The following ANAPC1 variants were observed in gnomAD, a reference collection of about 807,000 sequenced individuals.
The protein encoded by ANAPC1 is anaphase promoting complex subunit 1, also known as anaphase-promoting complex subunit 1.
ANAPC1 carries 36 observed loss-of-function variants against 208.0 expected under a neutral mutation model. The ratio of observed to expected loss-of-function variants is 0.17; its 90% CI spans 0.13 to 0.23. ANAPC1 has a LOEUF of 0.23. Ranked by LOEUF, ANAPC1 falls within the 10% of genes least tolerant of loss-of-function variation. The pLI is 1.00. For synonymous variants in ANAPC1, 378 were observed against 695.2 expected (o/e 0.54, Z 7.18); for missense variants, 942 against 2,011.6 (o/e 0.47, Z 10.17).
chr2:111,881,846 C>T (rs1206852830), intron 1 of ANAPC1, among the ~76,000 whole-genome samples: 2 of 152,204 alleles, frequency 1.3e-5, no homozygotes, highest in East Asian at 3.8e-4. Context: ...ATGACTTCAT[C>T]CTTCATTCTC....
intron 28 of ANAPC1, among the ~76,000 whole-genome samples, chr2:111,813,351 T>C (rs1183495571): frequency 1.3e-5 from 2 of 151,624 alleles, no homozygotes; most frequent in African/African-American, 4.8e-5. Context: ...TCCTCTGAGG[T>C]AGGGATATTT....
At chr2:111,861,576 A>AC (rs1206751614) in intron 10 of ANAPC1, among the ~76,000 whole-genome samples, 1 of 143,510 alleles carries the variant, frequency 7.0e-6, no homozygotes, top group African/African-American at 2.6e-5. Flanking sequence ...CTCCTGTGTC[A>AC]CCATCCTTCA....
chr2:111,844,616 T>A (rs1273178779), intron 16 of ANAPC1, among the ~76,000 whole-genome samples: 1 of 151,810 alleles, frequency 6.6e-6, no homozygotes, highest in African/African-American at 2.4e-5. Flanking sequence ...ACTTCTATGT[T>A]TATACATTTA....
At chr2:111,855,455 A>G (rs1681647434) in intron 13 of ANAPC1, among the ~76,000 whole-genome samples, 2 of 152,242 alleles carry the variant, frequency 1.3e-5, no homozygotes, top group Non-Finnish European at 2.9e-5. Flanking sequence ...AAAATGCAGT[A>G]TCTGTGAAGT....
At chr2:111,877,846 C>G (rs1683099759) in intron 3 of ANAPC1, among the ~76,000 whole-genome samples, 1 of 152,078 alleles carries the variant, frequency 6.6e-6, no homozygotes, top group Non-Finnish European at 1.5e-5. Flanking sequence ...TCCTAGCTAT[C>G]TATTTCCTTA....
rs1362198826 is a variant in ANAPC1, at chr2:111,826,153, G to A, written c.2626-298C>T. Among the ~76,000 whole-genome samples, 5 of 152,246 alleles carry A rather than the reference G, an allele frequency of 3.3e-5. No homozygotes were observed. The East Asian group carries it at 9.6e-4, about 29-fold the overall frequency. ...TCCTTCTGCCTCAGCCTCCCAAACT[G>A]CTGGGATTATAGGTATGAGCCACCA... is the stretch of plus-strand genomic sequence containing the variant. On this transcript the variant is annotated intron_variant, in intron 21 of 47. Coordinates refer to ENST00000341068, the MANE Select transcript of ANAPC1 (RefSeq NM_022662.4).
intron 34 of ANAPC1, among the ~76,000 whole-genome samples, chr2:111,796,190 A>G (rs1678156793): frequency 6.6e-6 from 1 of 151,642 alleles, no homozygotes; most frequent in Non-Finnish European, 1.5e-5. Context: ...GCACCACTGC[A>G]CTCCAGCCTG....
intron 21 of ANAPC1, among the ~76,000 whole-genome samples, chr2:111,826,661 A>ATTTTTT (rs35434299): frequency 1.7e-5 from 2 of 115,020 alleles, no homozygotes; most frequent in East Asian, 2.4e-4. Context: ...TTATTTATTT[A>ATTTTTT]TTTATTTTTT....
downstream of ANAPC1, chr2:111,766,311 T>A (rs1676471484): frequency 6.6e-6 from 1 of 152,530 alleles, no homozygotes; most frequent in African/African-American, 2.4e-5. Context: ...AAGCAACCAA[T>A]CTATTTCAGA....
chr2:111,771,829 T>C (rs1320577966), intron 47 of ANAPC1, among the ~76,000 whole-genome samples: 1 of 151,910 alleles, frequency 6.6e-6, no homozygotes, highest in African/African-American at 2.4e-5. Context: ...GAATTCATCA[T>C]ATCTTAGTAT....
intron 14 of ANAPC1, among the ~76,000 whole-genome samples, chr2:111,850,139 C>T (rs1174793367): frequency 6.6e-6 from 1 of 151,900 alleles, no homozygotes; most frequent in South Asian, 2.1e-4. Flanking sequence ...TATTGTTATC[C>T]AAACCCTATC....
chr2:111,876,207 T>G (rs1683016780), intron 3 of ANAPC1, among the ~76,000 whole-genome samples: 1 of 151,010 alleles, frequency 6.6e-6, no homozygotes. Flanking sequence ...CTGGACAACA[T>G]AGTGAGACCC....
rs1233747703 is a variant in ANAPC1, at chr2:111,806,129, T to C, written c.3833-236A>G. Among the ~76,000 whole-genome samples the C allele has an allele frequency of 4.7e-5, 7 of 149,000 alleles. No homozygotes were observed. In the East Asian group the frequency reaches 1.4e-3, roughly 30 times the overall value. On this transcript the variant is annotated intron_variant, in intron 29 of 47. Transcript: ENST00000341068. ...ATTTAAGTCTTTATAAGCAATGATA[T>C]TCAAATACTGTGAAACTTTGAGTCT...
chr2:111,819,247 A>G (rs1679388715), intron 26 of ANAPC1: 2 of 984,192 alleles, frequency 2.0e-6, no homozygotes, highest in Admixed American at 1.2e-4. Flanking sequence ...AGGCATTCAA[A>G]AAAAAAAAGA....
intron 42 of ANAPC1, among the ~76,000 whole-genome samples, chr2:111,783,347 G>A (rs1677383306): frequency 6.6e-6 from 1 of 152,128 alleles, no homozygotes; most frequent in Non-Finnish European, 1.5e-5. Context: ...TTTCCCTCAT[G>A]CTGTTCTCAT....
At chr2:111,842,049 A>G (rs1680792777) in intron 17 of ANAPC1, among the ~76,000 whole-genome samples, 1 of 152,180 alleles carries the variant, frequency 6.6e-6, no homozygotes, top group Non-Finnish European at 1.5e-5. Context: ...GGAAGTAACT[A>G]GAGATGTGGT....
At chr2:111,804,722 A>C in intron 30 of ANAPC1, among the ~76,000 whole-genome samples, 1 of 147,184 alleles carries the variant, frequency 6.8e-6, no homozygotes, top group East Asian at 2.0e-4. Flanking sequence ...GTTAGCCAGG[A>C]TGGTCTGGAT....
At chr2:111,824,181 A>G in intron 24 of ANAPC1, among the ~76,000 whole-genome samples, 1 of 148,110 alleles carries the variant, frequency 6.8e-6, no homozygotes, top group East Asian at 2.0e-4. Flanking sequence ...AATATTTTTC[A>G]GCATAGGTAT....
intron 38 of ANAPC1, among the ~76,000 whole-genome samples, chr2:111,790,596 GAAAAGCTA>G: frequency 6.6e-6 from 1 of 152,162 alleles, no homozygotes; most frequent in Non-Finnish European, 1.5e-5. Context: ...AATGTGAATG[GAAAAGCTA>G]AAAACTTCTA....
Sources: allele counts gnomAD v4.1 joint callset (sites outside exome capture counted in the v4.1 genomes callset), GRCh38; gene constraint gnomAD v4.1.1; transcripts MANE v1.5; gene names NCBI Gene and HGNC (gene_info 2026-07-23, HGNC 2026-07-21).